The following GABPB1 variants were observed in gnomAD, a reference collection of about 807,000 sequenced individuals.
GABPB1 encodes the protein GA binding protein transcription factor subunit beta 1.
Under a neutral mutation model 45.9 loss-of-function variants are expected in GABPB1, and 15 were observed. That is an observed-to-expected ratio of 0.33 (90% confidence interval 0.22 to 0.50). GABPB1 has a LOEUF of 0.50. GABPB1 is among the 20% of genes least tolerant of loss of function. The pLI, the probability that GABPB1 is intolerant of heterozygous loss-of-function variation, is 0.98. For missense variants in GABPB1, 252 were observed against 457.5 expected (o/e 0.55, Z 4.10); for synonymous variants, 143 against 154.4 (o/e 0.93, Z 0.55).
At chr15:50,306,967 G>T (rs181538595) in intron 2 of GABPB1, among the ~76,000 whole-genome samples, 1 of 151,974 alleles carries the variant, frequency 6.6e-6, no homozygotes, top group Non-Finnish European at 1.5e-5. Flanking sequence ...ATCTACTGAT[G>T]AACATTTAGA....
intron 1 of GABPB1, among the ~76,000 whole-genome samples, chr15:50,324,540 CTT>C (rs575280667): frequency 3.5e-5 from 4 of 114,218 alleles, no homozygotes; most frequent in South Asian, 2.9e-4. Context: ...GTCTCCGTGG[CTT>C]TTTTTTTTTT....
At chr15:50,336,454 G>A (rs1325638442) in intron 1 of GABPB1, among the ~76,000 whole-genome samples, 1 of 151,626 alleles carries the variant, frequency 6.6e-6, no homozygotes, top group Admixed American at 6.6e-5. Context: ...AGCACTTCAG[G>A]AAGCCGAGGC....
rs188185401 is a variant in GABPB1, at chr15:50,275,620, T to C, written c.*3012A>G. ...TTTCCCATTTATCCTCTTTTCTCTC[T>C]AATTGTCTTCCCAACCCTCCACCAC... On this transcript the variant is annotated 3_prime_UTR_variant, in exon 9 of 9. Transcript: ENST00000380877. 86 of 152,332 alleles carry C rather than the reference T, an allele frequency of 5.6e-4. No homozygotes were observed. The highest frequency in any genetic ancestry group is 2.1e-3 in the African/African-American group (86 of 41,570). 9.4% of individuals were successfully genotyped at this position (152,332 alleles called of 1,614,324 possible).
intron 6 of GABPB1, among the ~76,000 whole-genome samples, chr15:50,300,439 T>G (rs1482663504): frequency 8.8e-6 from 1 of 113,242 alleles, no homozygotes; most frequent in Non-Finnish European, 2.0e-5. Context: ...GTTTTTGGTT[T>G]TTTTTTTTTT....
chr15:50,278,661 G>A lies in GABPB1; in HGVS notation c.1123C>T (p.Arg375Cys). The change falls in exon 9 of 9, where the codon CGT (arginine) becomes TGT (cysteine). Residue 375 changes from arginine to cysteine, a missense_variant. Around this residue, in one of 4 missense-constraint regions of GABPB1, gnomAD observed 19 missense variants for 23.8 expected, o/e 0.80. Coordinates refer to ENST00000380877, the MANE Select transcript of GABPB1 (RefSeq NM_016654.5). ...AYRQKLEAMT[R>C]LQTNKEAV ...ACAGCTTCTTTATTAGTCTGAAGAC[G>A]AGTCATAGCTTCCAACTTCTGTCTG... 1.2e-6 allele frequency: 2 copies of A among 1,611,762 alleles called. No individual in the cohort carries two copies. The highest frequency in any genetic ancestry group is 1.7e-6 in the Non-Finnish European group (2 of 1,179,340).
At chr15:50,334,853 G>A (rs969201971) in intron 1 of GABPB1, among the ~76,000 whole-genome samples, 1 of 152,052 alleles carries the variant, frequency 6.6e-6, no homozygotes, top group Admixed American at 6.6e-5. Flanking sequence ...TGTAAACACA[G>A]TAAGCTTGGT....
At chr15:50,329,977 G>A (rs1395936894) in intron 1 of GABPB1, among the ~76,000 whole-genome samples, 10 of 151,228 alleles carry the variant, frequency 6.6e-5, no homozygotes, top group Non-Finnish European at 2.9e-5. Context: ...CGTGATCATG[G>A]CTCACTGCAG....
At chr15:50,286,271 A>T in intron 7 of GABPB1, 88 bp from the exon 8 acceptor site, 1 of 843,660 alleles carries the variant, frequency 1.2e-6, no homozygotes, top group Non-Finnish European at 1.7e-6. Flanking sequence ...GATGCTACTC[A>T]TCTAAAATAA....
chr15:50,303,200 T>C, intron 3 of GABPB1, 77 bp from the exon 4 acceptor site: 1 of 1,138,584 alleles, frequency 8.8e-7, no homozygotes, highest in Non-Finnish European at 1.3e-6. Flanking sequence ...TTATTAGTTC[T>C]GTGCTTTAAA....
Position 50,278,103 on chromosome 15 carries a change from A to T in GABPB1, c.*529T>A, listed in dbSNP as rs979172644. On this transcript the variant is annotated 3_prime_UTR_variant, in exon 9 of 9. Transcript: ENST00000380877. ...TACTTGGGTATAGCTGAAATTGAAC[A>T]AATATAAAAATTTTGCTTTCTAAAA... The T allele has an allele frequency of 6.5e-6, 1 of 152,674 alleles. No individual in the cohort carries two copies. Among genetic ancestry groups the T allele is most frequent in the Non-Finnish European group, 1.5e-5 (1 of 68,044 alleles). The allele number at this position is 152,674 out of a possible 1,614,324, so 9.5% of individuals were successfully genotyped here.
At chr15:50,352,003 C>A (rs2048851686) in intron 1 of GABPB1, 1 of 152,082 alleles carries the variant, frequency 6.6e-6, no homozygotes, top group Admixed American at 6.6e-5. Context: ...CTAAGTTGCT[C>A]TCAACTTCAA....
intron 1 of GABPB1, among the ~76,000 whole-genome samples, chr15:50,336,023 C>G (rs993077466): frequency 6.6e-6 from 1 of 151,676 alleles, no homozygotes; most frequent in African/African-American, 2.4e-5. Flanking sequence ...TTGAATTGCA[C>G]AGTCCACTCA....
intron 2 of GABPB1, among the ~76,000 whole-genome samples, chr15:50,307,035 T>C (rs1401106314): frequency 6.6e-6 from 1 of 152,136 alleles, no homozygotes; most frequent in African/African-American, 2.4e-5. Context: ...AGTAGTCTTG[T>C]ATATGTTTCA....
chr15:50,352,517 G>C (rs1380050567), intron 1 of GABPB1: 3 of 152,098 alleles, frequency 2.0e-5, no homozygotes, highest in Non-Finnish European at 1.5e-5. Flanking sequence ...TGTATTTTTA[G>C]TAGAAATGGG....
At chr15:50,298,258 A>AT (rs940337155) in intron 6 of GABPB1, among the ~76,000 whole-genome samples, 8 of 151,934 alleles carry the variant, frequency 5.3e-5, no homozygotes, top group Non-Finnish European at 1.2e-4. Flanking sequence ...TGCCCAGCTA[A>AT]TTTTTTCTGT....
intron 8 of GABPB1, 70 bp from the exon 9 acceptor site, chr15:50,278,854 T>C: frequency 1.8e-6 from 2 of 1,101,564 alleles, no homozygotes; most frequent in East Asian, 2.7e-5. Context: ...TAAGCATGCA[T>C]CCTTCAAATT....
chr15:50,285,990 A>G (rs1260232371), intron 8 of GABPB1, 78 bp downstream of exon 8: 1 of 1,566,128 alleles, frequency 6.4e-7, no homozygotes. Context: ...TACTGTCAGT[A>G]ATAAATATAA....
chr15:50,302,123 G>A (rs1268645077), intron 4 of GABPB1, among the ~76,000 whole-genome samples: 1 of 152,130 alleles, frequency 6.6e-6, no homozygotes, highest in Non-Finnish European at 1.5e-5. Flanking sequence ...TCATCTGGCT[G>A]AAAATAAGAG....
In GABPB1 at chr15:50,282,560, G is replaced by GAAAAAA. The variant is rs552203074; in HGVS notation, c.999+3502_999+3507dup. ...CAAAGTGAGACCCTGCCTTAAAAAA[G>GAAAAAA]AAAAAAAAAAAAAAACAGAGACGGA... is the stretch of plus-strand genomic sequence containing the variant. On this transcript the variant is annotated intron_variant, in intron 8 of 8. Transcript: ENST00000380877. 1.6e-4 allele frequency among the ~76,000 whole-genome samples: 14 copies of GAAAAAA among 89,020 alleles called. 1 individual carries two copies. Among genetic ancestry groups the GAAAAAA allele is most frequent in the Admixed American group, 4.3e-4 (3 of 7,026 alleles). The allele number at this position is 89,020 out of a possible 152,430, so 58.4% of individuals were successfully genotyped here.
Sources: gnomAD v4.1 joint callset for allele counts (sites outside exome capture counted in the v4.1 genomes callset) on GRCh38, gnomAD v4.1.1 for gene constraint, gnomAD v4.1.1 regional missense constraint, MANE v1.5 for transcripts, NCBI Gene and HGNC (gene_info 2026-07-23, HGNC 2026-07-21) for gene names.